Variants in PGS1 observed in about 807,000 individuals in gnomAD.
PGS1 encodes the protein CDP-diacylglycerol--glycerol-3-phosphate 3-phosphatidyltransferase, mitochondrial.
A neutral mutation model predicts 58.3 loss-of-function variants in PGS1; 44 were observed. That is an observed-to-expected ratio of 0.75 (90% CI 0.59 to 0.97). The LOEUF (loss-of-function observed/expected upper bound fraction) is 0.97. Among genes scored for constraint, PGS1 ranks in the 50% least tolerant of loss-of-function variants. PGS1 has a pLI of 0.00. For missense variants in PGS1, 684 were observed against 731.1 expected, an observed-to-expected ratio of 0.94 and a Z score of 0.74; for synonymous variants, 330 against 311.0, an observed-to-expected ratio of 1.06 and a Z score of -0.64.
chr17:78,395,035 G>A (rs1042335174), intron 2 of PGS1, among the ~76,000 whole-genome samples: 1 of 147,180 alleles, frequency 6.8e-6, no homozygotes, highest in African/African-American at 2.5e-5. Flanking sequence ...AGACCCCAGG[G>A]CCTCCTTTCC....
At chr17:78,395,070 C>T in intron 2 of PGS1, among the ~76,000 whole-genome samples, 1 of 152,148 alleles carries the variant, frequency 6.6e-6, no homozygotes, top group East Asian at 1.9e-4. Context: ...GAAGTGTGGG[C>T]AGATTCTTCT....
chr17:78,408,652 T>G (rs1205274921), intron 7 of PGS1, among the ~76,000 whole-genome samples: 1 of 152,104 alleles, frequency 6.6e-6, no homozygotes, highest in Non-Finnish European at 1.5e-5. Context: ...TCCCTGTAGT[T>G]CTGTTGCGCT....
chr17:78,423,963 G>T lies in PGS1; in HGVS notation c.*11-98G>T, dbSNP rs777727996. On this transcript the variant is annotated intron_variant, in intron 9 of 9. Coordinates refer to ENST00000262764, the MANE Select transcript of PGS1 (RefSeq NM_024419.5). ...GGATCCACTTCGCTGCCTTCTCTTT[G>T]GTCTTCAAGTTAAAGGTCCAGACAT... The T allele has an allele frequency of 3.1e-6, 5 of 1,613,874 alleles. No homozygotes were observed. In the African/African-American group the frequency reaches 6.7e-5, roughly 22 times the overall value.
At chr17:78,409,477 G>A (rs1181598530) in intron 7 of PGS1, among the ~76,000 whole-genome samples, 2 of 152,260 alleles carry the variant, frequency 1.3e-5, no homozygotes, top group East Asian at 1.9e-4. Flanking sequence ...GATGGTGAGA[G>A]GCGGGCAGCC....
chr17:78,392,106 C>G (rs1001317453), intron 1 of PGS1, among the ~76,000 whole-genome samples: 1 of 152,154 alleles, frequency 6.6e-6, no homozygotes, highest in South Asian at 2.1e-4. Flanking sequence ...GAGGTAGATT[C>G]ATTAGAACGT....
intron 2 of PGS1, among the ~76,000 whole-genome samples, chr17:78,393,605 G>A (rs1001915800): frequency 6.6e-6 from 1 of 152,144 alleles, no homozygotes; most frequent in African/African-American, 2.4e-5. Context: ...TCGTGGGTGC[G>A]ATTTGATATG....
chr17:78,382,960 T>G (rs1048100793), intron 1 of PGS1, among the ~76,000 whole-genome samples: 3 of 152,170 alleles, frequency 2.0e-5, no homozygotes, highest in Admixed American at 2.0e-4. Flanking sequence ...AATGGCCTTG[T>G]TACTTGGAGT....
chr17:78,404,415 G>A (rs1398345939), intron 7 of PGS1, among the ~76,000 whole-genome samples: 1 of 151,584 alleles, frequency 6.6e-6, no homozygotes, highest in African/African-American at 2.4e-5. Context: ...TGAGTAGCTG[G>A]GACTACAGGC....
intron 9 of PGS1, chr17:78,420,283 G>A (rs1009296000): frequency 5.3e-6 from 5 of 943,358 alleles, no homozygotes; most frequent in East Asian, 1.2e-4. Context: ...GGGGCCTGCC[G>A]CTTCACCAGA....
chr17:78,412,284 T>C (rs1326652862), intron 7 of PGS1, among the ~76,000 whole-genome samples: 1 of 152,134 alleles, frequency 6.6e-6, no homozygotes, highest in Non-Finnish European at 1.5e-5. Flanking sequence ...GGAGAAAGAT[T>C]GCAGTGCAAA....
At chr17:78,397,102 A>G (rs1239997430) in intron 3 of PGS1, among the ~76,000 whole-genome samples, 3 of 152,222 alleles carry the variant, frequency 2.0e-5, no homozygotes, top group African/African-American at 7.2e-5. Context: ...GTTGTGCCAC[A>G]CTTGTCACTT....
chr17:78,413,983 A>T (rs940487049), intron 7 of PGS1, among the ~76,000 whole-genome samples: 2 of 152,152 alleles, frequency 1.3e-5, no homozygotes, highest in African/African-American at 4.8e-5. Context: ...CTCATTTCCC[A>T]GCAAAAAGGG....
chr17:78,382,091 C>T (rs1020701471), intron 1 of PGS1, among the ~76,000 whole-genome samples: 1 of 151,918 alleles, frequency 6.6e-6, no homozygotes. Context: ...AAGGAGGGGT[C>T]GGAGTAGTTA....
At chr17:78,402,437 CACACACAT>C (rs1321573521) in intron 6 of PGS1, among the ~76,000 whole-genome samples, 4 of 150,190 alleles carry the variant, frequency 2.7e-5, no homozygotes, top group African/African-American at 9.9e-5. Flanking sequence ...TACACACACA[CACACACAT>C]ATGTATGTAT....
chr17:78,414,079 G>A (rs2084960963), intron 7 of PGS1, among the ~76,000 whole-genome samples: 1 of 152,224 alleles, frequency 6.6e-6, no homozygotes, highest in African/African-American at 2.4e-5. Flanking sequence ...AAGTCCCTGG[G>A]CCCTGTGGGC....
At chr17:78,407,769 G>T (rs541546298) in intron 7 of PGS1, among the ~76,000 whole-genome samples, 1 of 152,370 alleles carries the variant, frequency 6.6e-6, no homozygotes, top group South Asian at 2.1e-4. Flanking sequence ...GCAACAAGAG[G>T]CTTCACGGAG....
chr17:78,410,082 G>C (rs923620570), intron 7 of PGS1, among the ~76,000 whole-genome samples: 1 of 151,834 alleles, frequency 6.6e-6, no homozygotes, highest in South Asian at 2.1e-4. Flanking sequence ...CTGTACCCCA[G>C]TGTGGGTGAG....
intron 8 of PGS1, among the ~76,000 whole-genome samples, chr17:78,416,973 C>G (rs2085247841): frequency 6.6e-6 from 1 of 152,138 alleles, no homozygotes; most frequent in Admixed American, 6.5e-5. Context: ...CTTGGGAATT[C>G]AGGGAGGGGC....
At chr17:78,384,192 G>C (rs2082220667) in intron 1 of PGS1, among the ~76,000 whole-genome samples, 1 of 152,334 alleles carries the variant, frequency 6.6e-6, no homozygotes, top group South Asian at 2.1e-4. Flanking sequence ...GTAGCTGCAT[G>C]CTGGCAGCCT....
Sources: allele counts gnomAD v4.1 joint callset (sites outside exome capture counted in the v4.1 genomes callset), GRCh38; gene constraint gnomAD v4.1.1; transcripts MANE v1.5; gene names NCBI Gene and HGNC (gene_info 2026-07-23, HGNC 2026-07-21).